CAPN11: variants seen among roughly 807,000 people sequenced by gnomAD.
CAPN11 encodes calpain-11.
A neutral mutation model predicts 105.3 loss-of-function variants in CAPN11; 108 were observed. The ratio of observed to expected loss-of-function variants is 1.03; its 90% CI spans 0.88 to 1.20. CAPN11 has a LOEUF of 1.20. Among genes scored for constraint, CAPN11 ranks in the 50% most tolerant of loss-of-function variants. The pLI, the probability that CAPN11 is intolerant of heterozygous loss-of-function variation, is 0.00. For missense variants in CAPN11, 883 were observed against 924.8 expected, an observed-to-expected ratio of 0.95 and a Z score of 0.59; for synonymous variants, 329 against 344.5, an observed-to-expected ratio of 0.96 and a Z score of 0.50.
In CAPN11 at chr6:44,173,093, G is replaced by C. The variant is rs1415320497; in HGVS notation, c.662+20G>C. On this transcript the variant is annotated intron_variant, in intron 6 of 22. Transcript: ENST00000398776. Reference sequence around the variant, plus strand: ...TGCCAAGTGAGTGCTGGGAGCTGAGGAAGGGGGCTTGCCTTGCCTCTGTCT... The same window carrying C: ...TGCCAAGTGAGTGCTGGGAGCTGAGCAAGGGGGCTTGCCTTGCCTCTGTCT... 1.2e-6 allele frequency: 2 copies of C among 1,611,590 alleles called. No homozygotes were observed. The highest frequency in any genetic ancestry group is 1.7e-6 in the Non-Finnish European group (2 of 1,178,054).
At chr6:44,180,198 C>A in intron 14 of CAPN11, 35 bp downstream of exon 14, 1 of 1,442,996 alleles carries the variant, frequency 6.9e-7, no homozygotes, top group South Asian at 1.2e-5. Flanking sequence ...CAAGGCCCGC[C>A]ACCCAAGAGC....
chr6:44,181,283 A>G lies in CAPN11; in HGVS notation c.1901A>G (p.Glu634Gly). The G allele has an allele frequency of 1.9e-6, 3 of 1,613,538 alleles. No individual in the cohort carries two copies. Among genetic ancestry groups the G allele is most frequent in the Non-Finnish European group, 2.5e-6 (3 of 1,179,634 alleles). ...KDGSGKLGLL[E>G]FKILWKKLKK... ...GGCTCTGGCAAGCTGGGGCTTCTAG[A>G]GTTCAAGATCCTGTGGAAAAAACTC... Residue 634 changes from glutamate (E) to glycine (G), a missense_variant, in exon 19 of 23, where the codon GAG (glutamate) becomes GGG (glycine). Glu to Gly is a moderately conservative substitution (Grantham distance 98). Transcript: ENST00000398776.
intron 21 of CAPN11, 101 bp from the exon 22 acceptor site, chr6:44,183,604 A>G (rs1774134782): frequency 9.3e-7 from 1 of 1,077,748 alleles, no homozygotes. Context: ...GGGAACAGCC[A>G]GGAACACCTG....
intron 1 of CAPN11, among the ~76,000 whole-genome samples, chr6:44,163,843 T>C (rs1227166034): frequency 6.6e-6 from 1 of 152,070 alleles, no homozygotes; most frequent in African/African-American, 2.4e-5. Context: ...ATTTTTTGTT[T>C]GTTTGTTTTT....
At chr6:44,161,413 G>A (rs564311646) in intron 1 of CAPN11, among the ~76,000 whole-genome samples, 6 of 152,178 alleles carry the variant, frequency 3.9e-5, no homozygotes, top group Non-Finnish European at 7.4e-5. Flanking sequence ...TTGGCCAGGC[G>A]GGTCTTGAAC....
chr6:44,175,314 T>C (rs1342542037), intron 7 of CAPN11, among the ~76,000 whole-genome samples: 2 of 151,982 alleles, frequency 1.3e-5, no homozygotes, highest in Non-Finnish European at 2.9e-5. Context: ...ACCCAATCTC[T>C]ACTAAAAATA....
intron 1 of CAPN11, among the ~76,000 whole-genome samples, chr6:44,163,389 G>A (rs1394714853): frequency 3.9e-5 from 6 of 152,172 alleles, no homozygotes; most frequent in East Asian, 1.9e-4. Context: ...TACAATGGAC[G>A]AAGGGGCCGC....
intron 1 of CAPN11, chr6:44,162,049 CCT>C: frequency 2.7e-6 from 1 of 373,990 alleles, no homozygotes; most frequent in Non-Finnish European, 5.4e-6. Flanking sequence ...CAGTAGCTCC[CCT>C]GAGACCTGCC....
chr6:44,182,310 C>T (rs866744996), intron 19 of CAPN11, among the ~76,000 whole-genome samples: 43 of 134,448 alleles, frequency 3.2e-4, no homozygotes, highest in African/African-American at 1.4e-3. Context: ...CACACACACA[C>T]ACTCACATAC....
At chr6:44,170,196 C>G (rs1171934576) in intron 4 of CAPN11, among the ~76,000 whole-genome samples, 1 of 152,134 alleles carries the variant, frequency 6.6e-6, no homozygotes, top group African/African-American at 2.4e-5. Context: ...CAGCCTGGGT[C>G]TTGCGGGGGG....
At chr6:44,161,177 G>A (rs1477933447) in intron 1 of CAPN11, among the ~76,000 whole-genome samples, 1 of 143,588 alleles carries the variant, frequency 7.0e-6, no homozygotes, top group Admixed American at 7.0e-5. Context: ...TTTCTTTTGG[G>A]TTTTTTTTTT....
intron 3 of CAPN11, 41 bp from the exon 4 acceptor site, chr6:44,169,865 G>A (rs1156905593): frequency 6.9e-7 from 1 of 1,449,624 alleles, no homozygotes; most frequent in Admixed American, 1.8e-5. Flanking sequence ...GTGGGGAGGG[G>A]GTGTCCTGGG....
intron 2 of CAPN11, chr6:44,168,948 G>A: frequency 2.2e-6 from 1 of 459,978 alleles, no homozygotes. Flanking sequence ...TTAGAGACAA[G>A]GTCTTGCTCT....
At chr6:44,160,345 C>T (rs1768516714) in intron 1 of CAPN11, among the ~76,000 whole-genome samples, 1 of 152,172 alleles carries the variant, frequency 6.6e-6, no homozygotes, top group Non-Finnish European at 1.5e-5. Flanking sequence ...TGGCCGGGCG[C>T]AGTGGCTCAC....
intron 19 of CAPN11, among the ~76,000 whole-genome samples, chr6:44,181,758 ACACT>A (rs1315646628): frequency 4.2e-5 from 2 of 47,708 alleles, no homozygotes; most frequent in Admixed American, 2.0e-4. Context: ...ACACACATAC[ACACT>A]CACATACAGA....
intron 1 of CAPN11, chr6:44,161,987 C>T (rs997136539): frequency 1.1e-5 from 5 of 443,276 alleles, no homozygotes; most frequent in African/African-American, 6.0e-5. Context: ...GGAGACTTTC[C>T]TCTACACTGA....
intron 18 of CAPN11, 100 bp downstream of exon 18, chr6:44,181,097 G>A: frequency 8.0e-7 from 1 of 1,253,074 alleles, no homozygotes; most frequent in Non-Finnish European, 1.2e-6. Context: ...CCCTGATGGG[G>A]ATTAGGCTCT....
intron 1 of CAPN11, among the ~76,000 whole-genome samples, chr6:44,160,692 G>C (rs1331680315): frequency 6.6e-6 from 1 of 152,176 alleles, no homozygotes; most frequent in Non-Finnish European, 1.5e-5. Context: ...GGAGGAGACA[G>C]GATGTGCAGC....
At chr6:44,183,339 A>C in intron 21 of CAPN11, 104 bp downstream of exon 21, 2 of 744,012 alleles carry the variant, frequency 2.7e-6, no homozygotes, top group Non-Finnish European at 4.8e-6. Context: ...TCCCCCTTAC[A>C]AGGCACACAT....
Sources: allele counts gnomAD v4.1 joint callset (sites outside exome capture counted in the v4.1 genomes callset), GRCh38; gene constraint gnomAD v4.1.1; transcripts MANE v1.5; gene names NCBI Gene and HGNC (gene_info 2026-07-23, HGNC 2026-07-21).